Variants in HNMT observed in about 807,000 individuals in gnomAD.
HNMT encodes the protein histamine N-methyltransferase.
A neutral mutation model predicts 32.1 loss-of-function variants in HNMT; 30 were observed. That is an observed-to-expected ratio of 0.93 (90% CI 0.70 to 1.27). The LOEUF (loss-of-function observed/expected upper bound fraction) is 1.27. Ranked by LOEUF, HNMT falls within the 50% of genes most tolerant of loss-of-function variation. The pLI, the probability that HNMT is intolerant of heterozygous loss-of-function variation, is 0.00. For missense variants in HNMT, 327 were observed against 346.0 expected, an observed-to-expected ratio of 0.95 and a Z score of 0.43; for synonymous variants, 125 against 119.0, an observed-to-expected ratio of 1.05 and a Z score of -0.33.
intron 2 of HNMT, among the ~76,000 whole-genome samples, chr2:137,978,686 C>T (rs1680373935): frequency 7.2e-6 from 1 of 139,328 alleles, no homozygotes; most frequent in African/African-American, 2.6e-5. Context: ...TAGTATTATA[C>T]AATACATATG....
intron 2 of HNMT, among the ~76,000 whole-genome samples, chr2:137,978,618 T>C (rs185807569): frequency 3.9e-3 from 545 of 139,688 alleles, no homozygotes; most frequent in African/African-American, 0.014. Context: ...AATATAGTAT[T>C]ATACAATACA....
At chr2:137,964,974 C>A (rs1470732704) in intron 1 of HNMT, among the ~76,000 whole-genome samples, 1 of 152,080 alleles carries the variant, frequency 6.6e-6, no homozygotes, top group African/African-American at 2.4e-5. Context: ...TTTTACATCC[C>A]AAAAAAGTCC....
chr2:138,016,235 G>A lies in HNMT; in HGVS notation c.*2105G>A, dbSNP rs905017563. On this transcript the variant is annotated 3_prime_UTR_variant, in exon 6 of 6. Coordinates refer to ENST00000280097, the MANE Select transcript of HNMT (RefSeq NM_006895.3). ...GTGCCTTGCATATGGTAAATGCTAAGTAAAGCGGGATCAATGAATTATTTC... is the reference window on the plus strand; with the variant it reads ...GTGCCTTGCATATGGTAAATGCTAAATAAAGCGGGATCAATGAATTATTTC... 14 of 152,128 alleles carry A rather than the reference G, an allele frequency of 9.2e-5. No homozygotes were observed. The highest frequency in any genetic ancestry group is 2.9e-5 in the Non-Finnish European group (2 of 68,014). The allele number at this position is 152,128 out of a possible 1,614,324, so 9.4% of individuals were successfully genotyped here. A position where few individuals can be genotyped will look rare whatever the true frequency, so the allele number is the denominator to read the frequency against.
chr2:137,964,675 T>A lies in HNMT; in HGVS notation c.137+47T>A, dbSNP rs1217200709. On this transcript the variant is annotated intron_variant, in intron 1 of 5. Coordinates refer to ENST00000280097, the MANE Select transcript of HNMT (RefSeq NM_006895.3). ...TCAAAGGGACAAGCCTCAGACTGGC[T>A]GTGCGTCAGTGATAGATGGGTCTCG... 5 of 1,597,802 alleles carry A rather than the reference T, an allele frequency of 3.1e-6. No homozygotes were observed. The African/African-American group carries it at 5.4e-5, about 17-fold the overall frequency.
chr2:137,990,890 T>G (rs1388271997), intron 2 of HNMT, among the ~76,000 whole-genome samples: 2 of 152,094 alleles, frequency 1.3e-5, no homozygotes, highest in African/African-American at 4.8e-5. Context: ...TGATGCTGTC[T>G]CCCTGAAAAT....
intron 5 of HNMT, among the ~76,000 whole-genome samples, chr2:138,010,449 A>G (rs1455161): frequency 0.024 from 3,077 of 127,962 alleles, 112 homozygotes; most frequent in African/African-American, 0.1. Context: ...ACGCACACAC[A>G]CACACACACA....
intron 4 of HNMT, among the ~76,000 whole-genome samples, chr2:138,003,752 C>G (rs1472356738): frequency 2.6e-5 from 4 of 152,084 alleles, no homozygotes; most frequent in African/African-American, 9.7e-5. Context: ...TTTTTACCCT[C>G]TAACTTTGCA....
chr2:137,996,903 CA>C (rs1387287544), intron 2 of HNMT, among the ~76,000 whole-genome samples: 1 of 152,092 alleles, frequency 6.6e-6, no homozygotes, highest in Non-Finnish European at 1.5e-5. Context: ...ACAAACCTGA[CA>C]AAAACAAGCA....
intron 2 of HNMT, among the ~76,000 whole-genome samples, chr2:137,982,838 T>A (rs1206903712): frequency 2.0e-5 from 3 of 152,150 alleles, no homozygotes; most frequent in Non-Finnish European, 4.4e-5. Flanking sequence ...AGGGGCTAAG[T>A]GTTATGAAGG....
At chr2:138,002,621 A>AT (rs1427116067) in intron 4 of HNMT, 4 of 218,276 alleles carry the variant, frequency 1.8e-5, no homozygotes, top group Admixed American at 6.5e-5. Context: ...CTAATTTTTT[A>AT]TTTTTTGTAG....
chr2:138,005,965 A>G (rs1314117126), intron 5 of HNMT, among the ~76,000 whole-genome samples: 1 of 151,944 alleles, frequency 6.6e-6, no homozygotes, highest in East Asian at 1.9e-4. Context: ...GTTACACCAG[A>G]CCCCATACTT....
At chr2:137,984,476 C>G (rs1680593295) in intron 2 of HNMT, among the ~76,000 whole-genome samples, 1 of 152,266 alleles carries the variant, frequency 6.6e-6, no homozygotes, top group South Asian at 2.1e-4. Context: ...TGAGTTTGAG[C>G]AATGTCAATG....
At chr2:137,982,310 A>G (rs911817686) in intron 2 of HNMT, among the ~76,000 whole-genome samples, 2 of 152,176 alleles carry the variant, frequency 1.3e-5, no homozygotes, top group Admixed American at 1.3e-4. Flanking sequence ...TTGTTTTTGA[A>G]CTTAACAAGT....
At chr2:138,006,393 AT>A (rs1681332400) in intron 5 of HNMT, among the ~76,000 whole-genome samples, 3 of 152,020 alleles carry the variant, frequency 2.0e-5, no homozygotes, top group Admixed American at 2.0e-4. Flanking sequence ...GAAGTCATGT[AT>A]TTTTTATCTT....
intron 2 of HNMT, chr2:137,981,124 T>A (rs1198222934): frequency 7.1e-7 from 1 of 1,400,756 alleles, no homozygotes; most frequent in East Asian, 2.5e-5. Flanking sequence ...ATAATATATA[T>A]TTTGATATGA....
At position 137,978,033 on chromosome 2, in the gene HNMT, A is replaced by T. The variant is rs569740818; in HGVS notation, c.190+7816A>T. Among the ~76,000 whole-genome samples, 101 of 151,968 alleles carry T rather than the reference A, an allele frequency of 6.6e-4. 4 individuals carry two copies. The South Asian group carries it at 0.021, about 31-fold the overall frequency. ...CCTGCATCCTTTCTGAGCACCTGCCACCCTTGGACTTGAGCTTTTTGTGGT... is the reference window on the plus strand; with the variant it reads ...CCTGCATCCTTTCTGAGCACCTGCCTCCCTTGGACTTGAGCTTTTTGTGGT... On this transcript the variant is annotated intron_variant, in intron 2 of 5. Transcript: ENST00000280097.
intron 2 of HNMT, among the ~76,000 whole-genome samples, chr2:137,981,001 G>A (rs1680477108): frequency 6.6e-6 from 1 of 152,080 alleles, no homozygotes; most frequent in Non-Finnish European, 1.5e-5. Flanking sequence ...GGAGTTATAT[G>A]AGCAATCGCT....
intron 4 of HNMT, among the ~76,000 whole-genome samples, chr2:138,004,722 A>G (rs1271959714): frequency 1.3e-5 from 2 of 152,072 alleles, no homozygotes; most frequent in African/African-American, 4.8e-5. Context: ...GCTTAATTGT[A>G]AAGTAACGTT....
chr2:137,979,219 G>A (rs1680405667), intron 2 of HNMT, among the ~76,000 whole-genome samples: 1 of 148,800 alleles, frequency 6.7e-6, no homozygotes. Flanking sequence ...CATATATAAA[G>A]TATATATAAA....
Sources: allele counts gnomAD v4.1 joint callset (sites outside exome capture counted in the v4.1 genomes callset), GRCh38; gene constraint gnomAD v4.1.1; transcripts MANE v1.5; gene names NCBI Gene and HGNC (gene_info 2026-07-23, HGNC 2026-07-21).